Variants in IGF2R observed in about 807,000 individuals in gnomAD.
IGF2R encodes insulin like growth factor 2 receptor.
Under a neutral mutation model 270.6 loss-of-function variants are expected in IGF2R, and 91 were observed. The ratio of observed to expected loss-of-function variants is 0.34; its 90% CI spans 0.28 to 0.40. The LOEUF (loss-of-function observed/expected upper bound fraction) is 0.40, where lower values mean the gene tolerates loss of function less well. Among genes scored for constraint, IGF2R ranks in the 10% least tolerant of loss-of-function variants. IGF2R has a pLI of 1.00. For synonymous variants in IGF2R, 1,316 were observed against 1,258.9 expected, an observed-to-expected ratio of 1.05 and a Z score of -0.96; for missense variants, 2,805 against 3,188.3, an observed-to-expected ratio of 0.88 and a Z score of 2.90.
At position 160,045,807 on chromosome 6, in the gene IGF2R, G is replaced by C. The variant is rs778089919; in HGVS notation, c.1828G>C (p.Glu610Gln). Residue 610 changes from glutamate to glutamine, a missense_variant, in exon 14 of 48, where the codon GAG (glutamate) becomes CAG (glutamine). Transcript: ENST00000356956. Reference sequence around the variant, plus strand: ...GGAAGGCGGTTGCTTTTATGAGTTTGAGTGGCACACAGCTGCGGCCTGTGT... The same window carrying C: ...GGAAGGCGGTTGCTTTTATGAGTTTCAGTGGCACACAGCTGCGGCCTGTGT... ...SGEGGCFYEF[E>Q]WHTAAACVLS... The C allele has an allele frequency of 2.5e-6, 4 of 1,613,850 alleles. No homozygotes were observed. Among genetic ancestry groups the C allele is most frequent in the East Asian group, 4.5e-5 (2 of 44,886 alleles).
At position 160,027,246 on chromosome 6, in the gene IGF2R, G is replaced by A; in HGVS notation, c.708G>A (p.Leu236=). 1 of 1,614,238 alleles carries A rather than the reference G, an allele frequency of 6.2e-7. No individual in the cohort carries two copies. The highest frequency in any genetic ancestry group is 8.5e-7 in the Non-Finnish European group (1 of 1,180,038). ...GTCCCCCCGGCACTGCCGCCTGCCTGGTAAGAGGACACCAGGCGTTTGATG... is the reference window on the plus strand; with the variant it reads ...GTCCCCCCGGCACTGCCGCCTGCCTAGTAAGAGGACACCAGGCGTTTGATG... ...RACPPGTAAC[L]VRGHQAFDVG... Residue 236 remains leucine (L), a synonymous_variant, in exon 6 of 48, where the codon CTG becomes CTA. Transcript: ENST00000356956.
Position 160,062,468 on chromosome 6 carries a change from G to A in IGF2R, c.3583-64G>A, listed in dbSNP as rs539093079. The A allele has an allele frequency of 2.5e-4, 321 of 1,293,044 alleles. 5 individuals are homozygous for A. In the South Asian group the frequency reaches 3.5e-3, roughly 14 times the overall value. 80.1% of individuals were successfully genotyped at this position (1,293,044 alleles called of 1,614,324 possible). A position where few individuals can be genotyped will look rare whatever the true frequency, so the allele number is the denominator to read the frequency against. ...ATTACAGGTGTGAGCCACCGTGCCC[G>A]GCCCCATTTGATTAATTTTTAAAAT... On this transcript the variant is annotated intron_variant, in intron 25 of 47. Coordinates refer to ENST00000356956, the MANE Select transcript of IGF2R (RefSeq NM_000876.4).
chr6:160,097,740 G>A (rs981123708), intron 45 of IGF2R, among the ~76,000 whole-genome samples: 4 of 152,180 alleles, frequency 2.6e-5, no homozygotes, highest in East Asian at 3.9e-4. Flanking sequence ...AAAAGGGACC[G>A]TAGAGTCAGC....
chr6:160,018,131 G>T (rs1455713417), intron 4 of IGF2R, among the ~76,000 whole-genome samples: 1 of 151,870 alleles, frequency 6.6e-6, no homozygotes, highest in African/African-American at 2.4e-5. Context: ...AGAACTAATT[G>T]GTAAAGACAT....
chr6:160,062,588 T>A lies in IGF2R; in HGVS notation c.3639T>A (p.Thr1213=). 1 of 1,613,896 alleles carries A rather than the reference T, an allele frequency of 6.2e-7. No homozygotes were observed. The highest frequency in any genetic ancestry group is 2.2e-5 in the East Asian group (1 of 44,884). The change falls in exon 26 of 48, where the codon ACT becomes ACA. Residue 1213 remains threonine (T), a synonymous_variant. Transcript: ENST00000356956. The stretch of plus-strand genomic sequence containing the variant: ...GTGAGTACGTGTTTATCTGGAGAAC[T>A]GTGGAAGCCTGTCCCGTTGTCAGAG... ...DGCEYVFIWR[T]VEACPVVRVE...
chr6:159,986,772 A>C (rs1487083797), intron 1 of IGF2R, among the ~76,000 whole-genome samples: 2 of 149,796 alleles, frequency 1.3e-5, no homozygotes, highest in East Asian at 3.9e-4. Context: ...TTTTTTCTTA[A>C]GTCTTTACTT....
At position 160,102,683 on chromosome 6, in the gene IGF2R, G is replaced by T. The variant is rs1423830289; in HGVS notation, c.6995+12G>T. 6.3e-7 allele frequency: 1 copy of T among 1,584,584 alleles called. No homozygotes were observed. Among genetic ancestry groups the T allele is most frequent in the Non-Finnish European group, 8.6e-7 (1 of 1,162,476 alleles). ...AAGAAGGAGAGGAGGTAAGCGGGTG[G>T]CAGGGCGAGGTGGGGCGGGTGGATG... On this transcript the variant is annotated intron_variant, in intron 46 of 47. Transcript: ENST00000356956. The surrounding 1 kb of genome is among the most constrained non-coding windows in gnomAD (Gnocchi z 4.5).
chr6:160,012,762 T>TAAACAAACAAACAAACAA (rs1784355953), intron 4 of IGF2R, among the ~76,000 whole-genome samples: 1 of 71,684 alleles, frequency 1.4e-5, no homozygotes, highest in Admixed American at 1.2e-4. Context: ...TATATATATA[T>TAAACAAACAAACAAACAA]ATTTTTTTTT....
Position 160,060,734 on chromosome 6 carries a change from T to A in IGF2R, c.3262+17T>A, listed in dbSNP as rs1171569235. On this transcript the variant is annotated intron_variant, in intron 23 of 47. Coordinates refer to ENST00000356956, the MANE Select transcript of IGF2R (RefSeq NM_000876.4). The stretch of plus-strand genomic sequence containing the variant: ...AAGTCACCGGTAAGGCCGTGCGGCC[T>A]AAGAACTGAGAGGCCGGTCAAGAGT... 3 of 1,613,678 alleles carry A rather than the reference T, an allele frequency of 1.9e-6. No homozygotes were observed. The highest frequency in any genetic ancestry group is 2.5e-6 in the Non-Finnish European group (3 of 1,179,628).
chr6:160,060,597 T>C lies in IGF2R; in HGVS notation c.3142T>C (p.Ser1048Pro). The C allele has an allele frequency of 6.2e-7, 1 of 1,614,282 alleles. No individual in the cohort carries two copies. The highest frequency in any genetic ancestry group is 8.5e-7 in the Non-Finnish European group (1 of 1,180,038). The stretch of plus-strand genomic sequence containing the variant: ...CTTTGTTTGCAATGATGATGTTTAC[T>C]CAGGGCCCCTCAAATTCCTGCATCA... ...VRFVCNDDVY[S>P]GPLKFLHQDI... The change falls in exon 23 of 48, where the codon TCA (serine) becomes CCA (proline). Residue 1048 changes from serine (S) to proline (P), a missense_variant. Physicochemically the swap from Ser to Pro is moderately conservative, Grantham distance 74 (BLOSUM62 -1). Coordinates refer to ENST00000356956, the MANE Select transcript of IGF2R (RefSeq NM_000876.4).
rs546202643 is a variant in IGF2R, at chr6:160,110,384, C to T, written c.*5300C>T. 5.7e-4 allele frequency: 87 copies of T among 152,382 alleles called. No individual in the cohort carries two copies. Among genetic ancestry groups the T allele is most frequent in the African/African-American group, 2.0e-3 (83 of 41,586 alleles). The allele number at this position is 152,382 out of a possible 1,614,324, so 9.4% of individuals were successfully genotyped here. On this transcript the variant is annotated 3_prime_UTR_variant, in exon 48 of 48. Coordinates refer to ENST00000356956, the MANE Select transcript of IGF2R (RefSeq NM_000876.4). The stretch of plus-strand genomic sequence containing the variant: ...AATGCACATCATAAACACAGTGAGA[C>T]GTTGCCTCACACCTGCCAGAATGGC...
At chr6:160,096,391 C>T (rs371540158) in intron 44 of IGF2R, 48 bp from the exon 45 acceptor site, 50 of 1,549,666 alleles carry the variant, frequency 3.2e-5, no homozygotes, top group Non-Finnish European at 3.8e-5. Flanking sequence ...TCAGTCTGCT[C>T]GTGAAAAATG....
chr6:160,082,587 G>A lies in IGF2R; in HGVS notation c.5834-1363G>A, dbSNP rs144222389. On this transcript the variant is annotated intron_variant, in intron 39 of 47. Coordinates refer to ENST00000356956, the MANE Select transcript of IGF2R (RefSeq NM_000876.4). ...GGCCTCCCAGAGTGCTGGGATTACA[G>A]GCGTGAGCCACCGCGCCCAGCTATC... 7.5e-3 allele frequency among the ~76,000 whole-genome samples: 1,143 copies of A among 152,198 alleles called. 10 individuals carry two copies. The highest frequency in any genetic ancestry group is 0.026 in the African/African-American group (1,077 of 41,498).
intron 1 of IGF2R, among the ~76,000 whole-genome samples, chr6:159,989,713 G>T (rs891746443): frequency 6.6e-6 from 1 of 152,194 alleles, no homozygotes; most frequent in South Asian, 2.1e-4. Context: ...ATACAGGCAC[G>T]AGCCACTGGC....
intron 34 of IGF2R, 129 bp downstream of exon 34, chr6:160,073,598 TAAA>T: frequency 8.5e-7 from 1 of 1,182,858 alleles, no homozygotes; most frequent in Non-Finnish European, 1.2e-6. Flanking sequence ...ACCCCAATAA[TAAA>T]GTTGACTGGA....
chr6:160,072,954 ATGCT>A, intron 33 of IGF2R, 70 bp downstream of exon 33: 2 of 1,534,608 alleles, frequency 1.3e-6, no homozygotes, highest in Non-Finnish European at 1.8e-6. Flanking sequence ...GTCTCTTTGC[ATGCT>A]AATGGCAAAA....
At chr6:160,063,900 G>T (rs1180212861) in intron 27 of IGF2R, among the ~76,000 whole-genome samples, 1 of 152,170 alleles carries the variant, frequency 6.6e-6, no homozygotes, top group African/African-American at 2.4e-5. Flanking sequence ...TTATTACAAC[G>T]TTGGGACACA....
intron 3 of IGF2R, 60 bp from the exon 4 acceptor site, chr6:160,010,627 A>G: frequency 9.3e-7 from 1 of 1,072,888 alleles, no homozygotes; most frequent in South Asian, 1.3e-5. Flanking sequence ...TCTCATTTTA[A>G]AGAAGAATCT....
chr6:160,096,391 C>G (rs371540158), intron 44 of IGF2R, 48 bp from the exon 45 acceptor site: 4 of 1,549,666 alleles, frequency 2.6e-6, no homozygotes, highest in Non-Finnish European at 3.5e-6. Context: ...TCAGTCTGCT[C>G]GTGAAAAATG....
Sources: allele counts gnomAD v4.1 joint callset (sites outside exome capture counted in the v4.1 genomes callset), GRCh38; gene constraint gnomAD v4.1.1; non-coding constraint Gnocchi (gnomAD v3.1); transcripts MANE v1.5; gene names NCBI Gene and HGNC (gene_info 2026-07-23, HGNC 2026-07-21).